The following RUVBL1 variants were observed in gnomAD, a reference collection of about 807,000 sequenced individuals.
RUVBL1 encodes the protein RuvB like AAA ATPase 1, also known as ruvB-like 1.
Under a neutral mutation model 52.4 loss-of-function variants are expected in RUVBL1, and 4 were observed. The observed-to-expected ratio is 0.08, with a 90% CI of 0.04 to 0.17. The LOEUF is 0.17. RUVBL1 is among the 10% of genes least tolerant of loss of function. The pLI is 1.00. For synonymous variants in RUVBL1, 217 were observed against 214.4 expected (o/e 1.01, Z -0.10); for missense variants, 298 against 572.8 (o/e 0.52, Z 4.90).
At chr3:128,103,747 C>T (rs990766088) in intron 4 of RUVBL1, among the ~76,000 whole-genome samples, 1 of 152,184 alleles carries the variant, frequency 6.6e-6, no homozygotes, top group African/African-American at 2.4e-5. Context: ...TATGAGCCTT[C>T]ATCTGTTAAC....
intron 1 of RUVBL1, among the ~76,000 whole-genome samples, chr3:128,145,138 T>C (rs1018250818): frequency 6.6e-6 from 1 of 152,208 alleles, no homozygotes; most frequent in Non-Finnish European, 1.5e-5. Flanking sequence ...GGTTTATTTA[T>C]TTAAATTCAC....
chr3:128,113,018 T>C lies in RUVBL1; in HGVS notation c.231A>G (p.Thr77=). The change falls in exon 3 of 11, where the codon ACA becomes ACG. Residue 77 remains threonine (T), a splice_region_variant and synonymous_variant. Transcript: ENST00000322623. ...LLAGPPGTGK[T]ALALAIAQEL... is the part of the protein sequence containing the mutation. ...CCTGAGCAATAGCCAGAGCCAGAGC[T>C]GTCTACAAAAGAAAGCAACGGAAAC... 1 of 1,613,356 alleles carries C rather than the reference T, an allele frequency of 6.2e-7. No homozygotes were observed. The highest frequency in any genetic ancestry group is 8.5e-7 in the Non-Finnish European group (1 of 1,179,818).
chr3:128,150,936 C>A (rs1242728206), intron 1 of RUVBL1, among the ~76,000 whole-genome samples: 64 of 80,806 alleles, frequency 7.9e-4, no homozygotes, highest in African/African-American at 2.8e-3. Context: ...ATAATATATT[C>A]TATATATTAT....
At chr3:128,091,001 A>C (rs1038491409) in intron 8 of RUVBL1, among the ~76,000 whole-genome samples, 1 of 152,272 alleles carries the variant, frequency 6.6e-6, no homozygotes, top group African/African-American at 2.4e-5. Context: ...AAATGCATTA[A>C]TAACATTTCT....
intron 2 of RUVBL1, among the ~76,000 whole-genome samples, chr3:128,116,511 A>G (rs1245607168): frequency 6.6e-6 from 1 of 150,924 alleles, no homozygotes; most frequent in Non-Finnish European, 1.5e-5. Flanking sequence ...CCTGGGCAAG[A>G]GAGCGAGACT....
intron 1 of RUVBL1, among the ~76,000 whole-genome samples, chr3:128,145,381 C>G (rs1235051593): frequency 6.6e-6 from 1 of 152,194 alleles, no homozygotes; most frequent in African/African-American, 2.4e-5. Context: ...ACACCATGGG[C>G]CAGCATGTTC....
intron 2 of RUVBL1, among the ~76,000 whole-genome samples, chr3:128,115,609 A>G (rs1015748554): frequency 6.6e-6 from 1 of 152,228 alleles, no homozygotes; most frequent in African/African-American, 2.4e-5. Context: ...AGCACTTCTC[A>G]TATTTCCTGG....
At chr3:128,080,082 C>G (rs1283123774), downstream of RUVBL1, among the ~76,000 whole-genome samples, 1 of 152,194 alleles carries the variant, frequency 6.6e-6, no homozygotes, top group Non-Finnish European at 1.5e-5. Flanking sequence ...AGGTGCACTG[C>G]CCAGTGCTGC....
intron 8 of RUVBL1, among the ~76,000 whole-genome samples, chr3:128,093,487 A>G (rs1942898631): frequency 6.6e-6 from 1 of 152,108 alleles, no homozygotes; most frequent in Non-Finnish European, 1.5e-5. Flanking sequence ...ATGTCTCCAT[A>G]AAGTTGGTTT....
At chr3:128,106,370 T>C (rs1480147310) in intron 3 of RUVBL1, among the ~76,000 whole-genome samples, 1 of 152,234 alleles carries the variant, frequency 6.6e-6, no homozygotes, top group Non-Finnish European at 1.5e-5. Context: ...CTATGTTCAT[T>C]ACATGCTTTT....
chr3:128,090,728 T>G (rs964539294), intron 8 of RUVBL1, among the ~76,000 whole-genome samples: 9 of 152,212 alleles, frequency 5.9e-5, no homozygotes, highest in African/African-American at 2.2e-4. Flanking sequence ...AAAATAACCT[T>G]TTAAAACTAC....
intron 1 of RUVBL1, among the ~76,000 whole-genome samples, chr3:128,151,911 G>A (rs912625274): frequency 2.0e-5 from 3 of 152,136 alleles, no homozygotes; most frequent in African/African-American, 4.8e-5. Flanking sequence ...GTGCTCCACC[G>A]CCACAGTGTT....
chr3:128,105,669 C>T (rs1433373251), intron 3 of RUVBL1, among the ~76,000 whole-genome samples: 2 of 152,052 alleles, frequency 1.3e-5, no homozygotes, highest in Non-Finnish European at 2.9e-5. Context: ...ATTACACACC[C>T]TCTGACACTA....
At chr3:128,137,677 A>C (rs2107732574) in intron 1 of RUVBL1, among the ~76,000 whole-genome samples, 1 of 152,314 alleles carries the variant, frequency 6.6e-6, no homozygotes, top group East Asian at 1.9e-4. Flanking sequence ...ATACTTCCAA[A>C]CTTATTTTAT....
chr3:128,128,125 T>A (rs1943823084), upstream of RUVBL1, among the ~76,000 whole-genome samples: 1 of 152,144 alleles, frequency 6.6e-6, no homozygotes, highest in African/African-American at 2.4e-5. Context: ...CCCGAGTAGC[T>A]GGGCATGCGC....
intron 1 of RUVBL1, 152 bp downstream of exon 1, chr3:128,123,432 C>T: frequency 9.8e-7 from 1 of 1,019,450 alleles, no homozygotes; most frequent in Admixed American, 3.1e-5. Flanking sequence ...CGGCGCCCCT[C>T]CCCGAGCCCC....
At chr3:128,123,501 C>G in intron 1 of RUVBL1, 83 bp downstream of exon 1, 2 of 1,390,410 alleles carry the variant, frequency 1.4e-6, no homozygotes, top group Admixed American at 2.4e-5. Flanking sequence ...GCGCGCATCC[C>G]GCCCCGAGCC....
At chr3:128,091,301 A>C (rs1576448797) in intron 8 of RUVBL1, among the ~76,000 whole-genome samples, 31 of 110,006 alleles carry the variant, frequency 2.8e-4, no homozygotes, top group Middle Eastern at 4.2e-3. Context: ...AGCTGGGGGA[A>C]CGGGGGGTGG....
At chr3:128,151,054 ATATAT>A (rs1250288000) in intron 1 of RUVBL1, among the ~76,000 whole-genome samples, 46 of 104,616 alleles carry the variant, frequency 4.4e-4, no homozygotes, top group African/African-American at 5.5e-4. Flanking sequence ...TATATTCTAT[ATATAT>A]TATATGTTCT....
Sources: gnomAD v4.1 joint callset for allele counts (sites outside exome capture counted in the v4.1 genomes callset) on GRCh38, gnomAD v4.1.1 for gene constraint, MANE v1.5 for transcripts, NCBI Gene and HGNC (gene_info 2026-07-23, HGNC 2026-07-21) for gene names.